The following TTYH2 variants were observed in gnomAD, a reference collection of about 807,000 sequenced individuals.
TTYH2 encodes the protein protein tweety homolog 2.
TTYH2 carries 49 observed loss-of-function variants against 68.3 expected under a neutral mutation model. That is an observed-to-expected ratio of 0.72 (90% confidence interval 0.57 to 0.91). The LOEUF (loss-of-function observed/expected upper bound fraction) is 0.91. TTYH2 is among the 40% of genes least tolerant of loss of function. The pLI, the probability that TTYH2 is intolerant of heterozygous loss-of-function variation, is 0.00. For synonymous variants in TTYH2, 272 were observed against 300.8 expected, an observed-to-expected ratio of 0.90 and a Z score of 0.99; for missense variants, 631 against 700.4, an observed-to-expected ratio of 0.90 and a Z score of 1.12.
intron 3 of TTYH2, among the ~76,000 whole-genome samples, chr17:74,234,539 T>C (rs539285362): frequency 2.8e-4 from 43 of 152,358 alleles, no homozygotes; most frequent in African/African-American, 9.9e-4. Flanking sequence ...AAGAACAGCC[T>C]GGGCAGCATA....
chr17:74,241,472 G>A lies in TTYH2; in HGVS notation c.636-1902G>A, dbSNP rs577521296. ...ACCTAGTGTGTGCTGCCCCCTGCTCGTGCAGAGACAAGGACTTTGATTAGT... is the reference window on the plus strand; with the variant it reads ...ACCTAGTGTGTGCTGCCCCCTGCTCATGCAGAGACAAGGACTTTGATTAGT... On this transcript the variant is annotated intron_variant, in intron 4 of 13. Coordinates refer to ENST00000269346, the MANE Select transcript of TTYH2 (RefSeq NM_032646.6). This position sits in a 1 kb window ranked among gnomAD's most constrained non-coding sequence, Gnocchi z 4.1. Among the ~76,000 whole-genome samples, 15 of 152,228 alleles carry A rather than the reference G, an allele frequency of 9.9e-5. No individual in the cohort carries two copies. The highest frequency in any genetic ancestry group is 2.9e-4 in the African/African-American group (12 of 41,526).
Position 74,253,094 on chromosome 17 carries a change from G to A in TTYH2, c.1273G>A (p.Asp425Asn), listed in dbSNP as rs746612010. ...KHFTTRNRDY[D>N]DIDDDDPFNP... ...CCATTGTTCTAGAAACAGAGACTAC[G>A]ATGACATTGATGATGATGACCCCTT... The change falls in exon 12 of 14, where the codon GAT (aspartate) becomes AAT (asparagine). Residue 425 changes from aspartate (D) to asparagine (N), a missense_variant. Transcript: ENST00000269346. 6 of 1,613,592 alleles carry A rather than the reference G, an allele frequency of 3.7e-6. No individual in the cohort carries two copies. The highest frequency in any genetic ancestry group is 1.3e-5 in the African/African-American group (1 of 74,890).
At chr17:74,237,548 G>A (rs778627246) in intron 4 of TTYH2, 34 bp downstream of exon 4, 1 of 1,563,026 alleles carries the variant, frequency 6.4e-7, no homozygotes, top group Non-Finnish European at 8.7e-7. Flanking sequence ...GGGAGGGGCA[G>A]CAGCGGCTAC....
At chr17:74,248,056 G>A (rs1252775101) in intron 6 of TTYH2, 6 of 153,304 alleles carry the variant, frequency 3.9e-5, no homozygotes, top group African/African-American at 1.4e-4. Flanking sequence ...AAGTTAGTGA[G>A]TGATGCTCTA....
intron 13 of TTYH2, among the ~76,000 whole-genome samples, chr17:74,257,612 G>C (rs146158762): frequency 6.6e-6 from 1 of 152,170 alleles, no homozygotes; most frequent in Non-Finnish European, 1.5e-5. Context: ...CCTGGTGATC[G>C]GGATATACAG....
At position 74,250,347 on chromosome 17, in the gene TTYH2, G is replaced by T. The variant is rs1295917724; in HGVS notation, c.1106G>T (p.Gly369Val). ...HQLTAMVDCR[G>V]LHKDYLDALA... ...CTGACCGCCATGGTGGACTGCCGAG[G>T]GCTGCACAAGGTGCATGGGGACCCT... The change falls in exon 10 of 14, where the codon GGG becomes GTG. Residue 369 changes from glycine to valine, a missense_variant. By Grantham distance (109) the Gly-to-Val change is moderately radical. Transcript: ENST00000269346. The T allele has an allele frequency of 8.7e-6, 14 of 1,613,018 alleles. No homozygotes were observed. The highest frequency in any genetic ancestry group is 1.1e-5 in the Non-Finnish European group (13 of 1,179,530).
At chr17:74,250,623 A>G (rs2050613581) in intron 10 of TTYH2, 1 of 398,052 alleles carries the variant, frequency 2.5e-6, no homozygotes, top group Non-Finnish European at 4.5e-6. Flanking sequence ...ACCCTGAACA[A>G]TGCAAGGGAG....
rs147645150 is a variant in TTYH2, at chr17:74,233,412, A to C, written c.414+2413A>C. Reference sequence around the variant, plus strand: ...ATAATGTCAGTGAAAGTGCTGGTAGACTGTAAAGTACACTCAGCTGTATGA... The same window carrying C: ...ATAATGTCAGTGAAAGTGCTGGTAGCCTGTAAAGTACACTCAGCTGTATGA... On this transcript the variant is annotated intron_variant, in intron 3 of 13. Transcript: ENST00000269346. Among the ~76,000 whole-genome samples the C allele has an allele frequency of 5.7e-4, 87 of 152,336 alleles. 1 individual carries two copies. Among genetic ancestry groups the C allele is most frequent in the African/African-American group, 2.0e-3 (85 of 41,568 alleles).
intron 3 of TTYH2, among the ~76,000 whole-genome samples, chr17:74,235,403 G>A (rs1598221175): frequency 1.3e-5 from 2 of 152,346 alleles, no homozygotes; most frequent in African/African-American, 4.8e-5. Flanking sequence ...TCTTGGTTTA[G>A]TGTGACAGTT....
intron 13 of TTYH2, among the ~76,000 whole-genome samples, chr17:74,258,973 T>G (rs2050719916): frequency 6.6e-6 from 1 of 152,100 alleles, no homozygotes; most frequent in South Asian, 2.1e-4. Context: ...AGTGGCAGTT[T>G]CTGGAAGCTT....
Position 74,222,281 on chromosome 17 carries a change from T to C in TTYH2, c.130-204T>C, listed in dbSNP as rs112861929. Among the ~76,000 whole-genome samples the C allele has an allele frequency of 2.2e-3, 341 of 152,320 alleles. 1 individual carries two copies. The highest frequency in any genetic ancestry group is 4.0e-3 in the Non-Finnish European group (274 of 68,018). On this transcript the variant is annotated intron_variant, in intron 1 of 13. Transcript: ENST00000269346. The surrounding 1 kb of genome is among the most constrained non-coding windows in gnomAD (Gnocchi z 5.2). ...AGGCCCACCACTTGGCCTCATGCCC[T>C]GTAAGCTCCATCACTCCCACCCAAG...
At chr17:74,219,214 T>TTAAA (rs1330027032) in intron 1 of TTYH2, among the ~76,000 whole-genome samples, 1 of 126,176 alleles carries the variant, frequency 7.9e-6, no homozygotes, top group African/African-American at 3.9e-5. Context: ...AGACTCCGTC[T>TTAAA]CAAAAAAAAA....
Position 74,215,749 on chromosome 17 carries a change from A to G in TTYH2, c.129+2033A>G, listed in dbSNP as rs186294985. On this transcript the variant is annotated intron_variant, in intron 1 of 13. Transcript: ENST00000269346. This position sits in a 1 kb window ranked among gnomAD's most constrained non-coding sequence, Gnocchi z 4.3. ...TGTTGTGACCACAGGTCTCTCCTGG[A>G]TGTCTTCTTTCCTCCTGAGCACCAG... 4 of 1,512,996 alleles carry G rather than the reference A, an allele frequency of 2.6e-6. No individual in the cohort carries two copies. The highest frequency in any genetic ancestry group is 3.9e-5 in the Admixed American group (2 of 50,810). 93.7% of individuals were successfully genotyped at this position (1,512,996 alleles called of 1,614,324 possible).
rs2050401495 is a variant in TTYH2, at chr17:74,232,611, G to A, written c.414+1612G>A. Among the ~76,000 whole-genome samples, 1 of 152,102 alleles carries A rather than the reference G, an allele frequency of 6.6e-6. No individual in the cohort carries two copies. Among genetic ancestry groups the A allele is most frequent in the African/African-American group, 2.4e-5 (1 of 41,410 alleles). ...CTTGCCCCAGGCCCTGGTGGGGAAG[G>A]GCCCCATGGTCACTGCCCTCTAGGC... On this transcript the variant is annotated intron_variant, in intron 3 of 13. Coordinates refer to ENST00000269346, the MANE Select transcript of TTYH2 (RefSeq NM_032646.6). This position sits in a 1 kb window ranked among gnomAD's most constrained non-coding sequence, Gnocchi z 5.1.
intron 1 of TTYH2, among the ~76,000 whole-genome samples, chr17:74,216,953 C>T (rs2050226934): frequency 1.3e-5 from 2 of 152,256 alleles, no homozygotes; most frequent in Non-Finnish European, 2.9e-5. Flanking sequence ...CTGCTACAAT[C>T]ACTGCTTAGG....
At chr17:74,229,010 C>T (rs2050360272) in intron 2 of TTYH2, among the ~76,000 whole-genome samples, 1 of 152,106 alleles carries the variant, frequency 6.6e-6, no homozygotes, top group Admixed American at 6.5e-5. Flanking sequence ...GAAACTTCTT[C>T]CAGGCTGCCC....
At chr17:74,231,961 C>G (rs1312099239) in intron 3 of TTYH2, among the ~76,000 whole-genome samples, 1 of 152,170 alleles carries the variant, frequency 6.6e-6, no homozygotes, top group East Asian at 1.9e-4. Context: ...AGGAGCACGA[C>G]AAGGGTGGAC....
intron 11 of TTYH2, 59 bp from the exon 12 acceptor site, chr17:74,253,022 G>A (rs2050651487): frequency 6.3e-7 from 1 of 1,577,860 alleles, no homozygotes; most frequent in Non-Finnish European, 8.7e-7. Context: ...GACAGGACCT[G>A]GCTGCCTCGG....
At chr17:74,245,918 T>C (rs2143765217) in intron 6 of TTYH2, among the ~76,000 whole-genome samples, 1 of 147,564 alleles carries the variant, frequency 6.8e-6, no homozygotes, top group African/African-American at 2.5e-5. Context: ...TCCCTGTCCC[T>C]AGAAAGGACT....
Sources: gnomAD v4.1 joint callset for allele counts (sites outside exome capture counted in the v4.1 genomes callset) on GRCh38, gnomAD v4.1.1 for gene constraint, Gnocchi (gnomAD v3.1) non-coding constraint, MANE v1.5 for transcripts, NCBI Gene and HGNC (gene_info 2026-07-23, HGNC 2026-07-21) for gene names.